The following CADM2 variants were observed in gnomAD, a reference collection of about 807,000 sequenced individuals.
CADM2 encodes cell adhesion molecule 2.
A neutral mutation model predicts 49.8 loss-of-function variants in CADM2; 12 were observed. The observed-to-expected ratio is 0.24, with a 90% confidence interval of 0.15 to 0.39. The LOEUF (loss-of-function observed/expected upper bound fraction) is 0.39. Ranked by LOEUF, CADM2 falls within the 10% of genes least tolerant of loss-of-function variation. The pLI, the probability that CADM2 is intolerant of heterozygous loss-of-function variation, is 1.00. For missense variants in CADM2, 378 were observed against 492.3 expected, an observed-to-expected ratio of 0.77 and a Z score of 2.20; for synonymous variants, 214 against 175.4, an observed-to-expected ratio of 1.22 and a Z score of -1.74.
At chr3:85,816,532 G>T (rs912540815) in intron 3 of CADM2, among the ~76,000 whole-genome samples, 3 of 151,972 alleles carry the variant, frequency 2.0e-5, no homozygotes, top group African/African-American at 7.2e-5. Flanking sequence ...TCTATGCAGG[G>T]TATTTTCTTT....
At chr3:85,007,187 G>GA (rs2033774630) in intron 1 of CADM2, among the ~76,000 whole-genome samples, 1 of 152,052 alleles carries the variant, frequency 6.6e-6, no homozygotes, top group African/African-American at 2.4e-5. Context: ...TAATTATTTA[G>GA]AAAAAATTCT....
intron 1 of CADM2, among the ~76,000 whole-genome samples, chr3:85,367,855 G>A (rs113774328): frequency 4.6e-5 from 7 of 151,420 alleles, no homozygotes; most frequent in Admixed American, 4.0e-4. Flanking sequence ...GTGTGTGTGT[G>A]TGTACCACAT....
intron 5 of CADM2, among the ~76,000 whole-genome samples, chr3:85,910,579 G>A (rs984893289): frequency 6.6e-6 from 1 of 151,994 alleles, no homozygotes; most frequent in South Asian, 2.1e-4. Flanking sequence ...ATATTTCATA[G>A]GACACGTTTA....
chr3:86,045,382 A>C (rs562732771), intron 8 of CADM2, among the ~76,000 whole-genome samples: 2 of 152,170 alleles, frequency 1.3e-5, no homozygotes, highest in South Asian at 4.2e-4. Context: ...AATCTCTAGG[A>C]TCATCCCTTT....
intron 1 of CADM2, among the ~76,000 whole-genome samples, chr3:85,213,010 G>A (rs1049136143): frequency 2.0e-5 from 3 of 151,490 alleles, no homozygotes; most frequent in Non-Finnish European, 2.9e-5. Flanking sequence ...AGACTCCCTA[G>A]TAGCTGAGAC....
chr3:85,178,765 T>TA (rs1422672455), intron 1 of CADM2, among the ~76,000 whole-genome samples: 3 of 151,702 alleles, frequency 2.0e-5, no homozygotes, highest in Non-Finnish European at 3.0e-5. Context: ...TCTTAAGTTA[T>TA]AAAAAATGTA....
intron 1 of CADM2, among the ~76,000 whole-genome samples, chr3:85,124,085 G>A (rs1456456193): frequency 6.6e-6 from 1 of 152,148 alleles, no homozygotes; most frequent in Non-Finnish European, 1.5e-5. Context: ...GGTCCCCTGT[G>A]TTTGCTAATT....
intron 1 of CADM2, among the ~76,000 whole-genome samples, chr3:85,069,394 A>G (rs566089477): frequency 6.6e-6 from 1 of 152,250 alleles, no homozygotes; most frequent in South Asian, 2.1e-4. Context: ...TTTTTGTCAA[A>G]AAGTACTTTT....
At chr3:85,876,405 A>G (rs1711844491) in intron 3 of CADM2, among the ~76,000 whole-genome samples, 1 of 152,184 alleles carries the variant, frequency 6.6e-6, no homozygotes, top group Non-Finnish European at 1.5e-5. Context: ...AATTTAATCT[A>G]ATAAATTACT....
intron 1 of CADM2, among the ~76,000 whole-genome samples, chr3:85,394,247 A>G (rs2034662792): frequency 6.6e-6 from 1 of 152,186 alleles, no homozygotes; most frequent in South Asian, 2.1e-4. Context: ...CCAGAGGTAT[A>G]AATTACTACA....
chr3:85,488,787 C>A (rs1021737689), intron 1 of CADM2, among the ~76,000 whole-genome samples: 4 of 152,052 alleles, frequency 2.6e-5, no homozygotes, highest in African/African-American at 9.7e-5. Flanking sequence ...CCTCGGCCTC[C>A]CAAAGTGCTG....
At chr3:85,793,092 G>A (rs909472135) in intron 2 of CADM2, among the ~76,000 whole-genome samples, 1 of 152,016 alleles carries the variant, frequency 6.6e-6, no homozygotes, top group African/African-American at 2.4e-5. Flanking sequence ...TTCAAAAAAG[G>A]TTTGACCATT....
intron 2 of CADM2, among the ~76,000 whole-genome samples, chr3:85,782,668 G>GA (rs980915476): frequency 1.8e-4 from 25 of 139,142 alleles, no homozygotes; most frequent in South Asian, 4.5e-4. Flanking sequence ...AAAAAAAAAA[G>GA]AAAAAAAAAA....
intron 1 of CADM2, among the ~76,000 whole-genome samples, chr3:85,226,815 T>C (rs2042173739): frequency 6.6e-6 from 1 of 152,206 alleles, no homozygotes. Context: ...CCAGAGATTC[T>C]GGTACATTGT....
intron 1 of CADM2, among the ~76,000 whole-genome samples, chr3:85,073,929 T>C (rs1353002510): frequency 6.6e-6 from 1 of 152,152 alleles, no homozygotes; most frequent in South Asian, 2.1e-4. Flanking sequence ...AGTAATTGAA[T>C]TGACTACCAA....
intron 2 of CADM2, among the ~76,000 whole-genome samples, chr3:85,765,518 T>C (rs900192409): frequency 2.0e-5 from 3 of 152,058 alleles, no homozygotes; most frequent in African/African-American, 7.2e-5. Context: ...CCCAGTGTTT[T>C]AATTCAGATG....
At chr3:85,911,540 T>A (rs1437613850) in intron 5 of CADM2, among the ~76,000 whole-genome samples, 1 of 152,234 alleles carries the variant, frequency 6.6e-6, no homozygotes, top group Non-Finnish European at 1.5e-5. Flanking sequence ...AATATTCAGA[T>A]GGCTGTGCTC....
chr3:85,018,452 A>G (rs564305415), intron 1 of CADM2, among the ~76,000 whole-genome samples: 1 of 152,216 alleles, frequency 6.6e-6, no homozygotes, highest in African/African-American at 2.4e-5. Flanking sequence ...ATCTTGGCTC[A>G]CCGCAACCTC....
intron 1 of CADM2, among the ~76,000 whole-genome samples, chr3:85,693,925 AG>A (rs1269856507): frequency 3.3e-5 from 5 of 151,300 alleles, no homozygotes; most frequent in African/African-American, 1.2e-4. Context: ...GAAAAAAAAA[AG>A]AAAAGAAAAG....
Sources: allele counts gnomAD v4.1 joint callset (sites outside exome capture counted in the v4.1 genomes callset), GRCh38; gene constraint gnomAD v4.1.1; transcripts MANE v1.5; gene names NCBI Gene and HGNC (gene_info 2026-07-23, HGNC 2026-07-21).